The following AATK variants were observed in gnomAD, a reference collection of about 807,000 sequenced individuals.
The protein encoded by AATK is lemur tail kinase 1, also known as serine/threonine-protein kinase LMTK1.
In AATK, 91 loss-of-function variants were observed where a neutral mutation model predicts 114.3. The observed-to-expected ratio is 0.80, with a 90% CI of 0.67 to 0.95. The LOEUF is 0.95. AATK is among the 40% of genes least tolerant of loss of function. The probability of loss-of-function intolerance (pLI) is 0.00; values close to 1 mark genes in which losing one functional copy is unlikely to be tolerated. For missense variants in AATK, 2,176 were observed against 1,965.2 expected (o/e 1.11, Z -2.03); for synonymous variants, 1,075 against 916.5 (o/e 1.17, Z -3.12).
At chr17:81,128,662 G>C in intron 3 of AATK, 113 bp from the exon 4 acceptor site, 1 of 1,512,688 alleles carries the variant, frequency 6.6e-7, no homozygotes, top group Non-Finnish European at 8.9e-7. Flanking sequence ...ACTGTCCTGA[G>C]TCCCTAGCAC....
chr17:81,125,083 G>T, intron 7 of AATK, 69 bp from the exon 8 acceptor site: 1 of 1,037,250 alleles, frequency 9.6e-7, no homozygotes, highest in Non-Finnish European at 1.4e-6. Flanking sequence ...GGGGGCAGGG[G>T]GAGGGTCAGT....
intron 1 of AATK, among the ~76,000 whole-genome samples, chr17:81,136,437 A>G (rs1335129140): frequency 1.3e-5 from 2 of 151,608 alleles, no homozygotes; most frequent in Non-Finnish European, 2.9e-5. Context: ...CTCCCCTCCC[A>G]TGGCCCCATC....
intron 1 of AATK, among the ~76,000 whole-genome samples, chr17:81,137,929 C>A (rs949228736): frequency 4.0e-5 from 6 of 151,374 alleles, no homozygotes; most frequent in African/African-American, 1.2e-4. Flanking sequence ...TGCACACAGC[C>A]ACACGCACAC....
At chr17:81,152,576 C>A (rs1447088480) in intron 1 of AATK, among the ~76,000 whole-genome samples, 2 of 152,118 alleles carry the variant, frequency 1.3e-5, no homozygotes, top group African/African-American at 2.4e-5. Flanking sequence ...AGAGCAAAAC[C>A]CTGTCTCAAG....
intron 1 of AATK, among the ~76,000 whole-genome samples, chr17:81,154,525 GC>G (rs2061337967): frequency 6.9e-6 from 1 of 144,956 alleles, no homozygotes; most frequent in African/African-American, 2.8e-5. Context: ...CACCATATTG[GC>G]CAGGGTGGTC....
intron 3 of AATK, 76 bp from the exon 4 acceptor site, chr17:81,128,625 G>A (rs1487324142): frequency 6.5e-7 from 1 of 1,539,576 alleles, no homozygotes; most frequent in Non-Finnish European, 8.8e-7. Context: ...CCCCTGGAGG[G>A]GCTGCCCGCT....
At chr17:81,141,854 G>A (rs775028192) in intron 1 of AATK, among the ~76,000 whole-genome samples, 1 of 152,190 alleles carries the variant, frequency 6.6e-6, no homozygotes, top group Non-Finnish European at 1.5e-5. Context: ...AACCCTAGAG[G>A]CCTCTAGTGC....
chr17:81,121,288 C>A lies in AATK; in HGVS notation c.2648G>T (p.Arg883Met), dbSNP rs776700356. The part of the protein sequence containing the change: ...DTSSDGLQAR[R>M]PDVVPAFRSL... ...GCGGAAGGCTGGCACCACATCCGGCCTCCTGGCCTGCAGGCCGTCGCTGGA... is the reference window on the plus strand; with the variant it reads ...GCGGAAGGCTGGCACCACATCCGGCATCCTGGCCTGCAGGCCGTCGCTGGA... The change falls in exon 11 of 14, where the codon AGG (arginine) becomes ATG (methionine). Residue 883 changes from arginine (R) to methionine (M), a missense_variant. By Grantham distance (91) the Arg-to-Met change is moderately conservative. This residue lies in a region of AATK where 1,701 missense variants were observed against 1,394.7 expected (regional missense o/e 1.22). Coordinates refer to ENST00000326724, the MANE Select transcript of AATK (RefSeq NM_001080395.3). The A allele has an allele frequency of 4.3e-6, 7 of 1,611,466 alleles. No individual in the cohort carries two copies. In the African/African-American group the frequency reaches 9.4e-5, roughly 22 times the overall value.
Position 81,127,571 on chromosome 17 carries a change from G to C in AATK, c.621+12C>G, listed in dbSNP as rs2060862131. On this transcript the variant is annotated intron_variant, in intron 6 of 13. Coordinates refer to ENST00000326724, the MANE Select transcript of AATK (RefSeq NM_001080395.3). ...AGCAAAGACCCCAGCATCCCCCCGG[G>C]CAGCAGCTCACCAGTGGGCAGAACT... 1.2e-5 allele frequency: 19 copies of C among 1,587,630 alleles called. No homozygotes were observed. Among genetic ancestry groups the C allele is most frequent in the Middle Eastern group, 1.7e-4 (1 of 6,038 alleles).
chr17:81,120,731 G>A lies in AATK; in HGVS notation c.3205C>T (p.Pro1069Ser). The part of the protein sequence containing the change: ...LLQLEGSSPE[P>S]STCPSGLVPE... The stretch of plus-strand genomic sequence containing the variant: ...ACCAGGCCCGAGGGGCAGGTGCTGG[G>A]CTCTGGGGAGGACCCTTCAAGCTGC... The change falls in exon 11 of 14, where the codon CCC becomes TCC. Residue 1069 changes from proline (P) to serine (S), a missense_variant. This residue lies in a region of AATK where 1,701 missense variants were observed against 1,394.7 expected (regional missense o/e 1.22). Transcript: ENST00000326724. 6.4e-7 allele frequency: 1 copy of A among 1,570,866 alleles called. No individual in the cohort carries two copies. Among genetic ancestry groups the A allele is most frequent in the South Asian group, 1.2e-5 (1 of 85,330 alleles).
At chr17:81,135,368 T>C (rs2060994653) in intron 1 of AATK, among the ~76,000 whole-genome samples, 1 of 152,146 alleles carries the variant, frequency 6.6e-6, no homozygotes, top group Admixed American at 6.5e-5. Flanking sequence ...CCGCTGGCTC[T>C]ATCCCCTGGG....
At chr17:81,145,234 C>CAAA (rs761538299) in intron 1 of AATK, among the ~76,000 whole-genome samples, 6,626 of 120,584 alleles carry the variant, frequency 0.055, 187 homozygotes, top group East Asian at 0.19. Flanking sequence ...GAGACTCCAT[C>CAAA]AAAAAAAAAA....
chr17:81,155,278 C>T (rs1211976632), intron 1 of AATK, among the ~76,000 whole-genome samples: 4 of 152,220 alleles, frequency 2.6e-5, no homozygotes, highest in South Asian at 2.1e-4. Context: ...CTTAAGTCAT[C>T]GTCACAGTAT....
intron 2 of AATK, among the ~76,000 whole-genome samples, chr17:81,132,317 G>A (rs1444760082): frequency 6.6e-6 from 1 of 152,232 alleles, no homozygotes; most frequent in Non-Finnish European, 1.5e-5. Flanking sequence ...ACAGGCAGGT[G>A]CAGTGGGAGG....
At chr17:81,152,892 G>A (rs2061315573) in intron 1 of AATK, among the ~76,000 whole-genome samples, 1 of 151,188 alleles carries the variant, frequency 6.6e-6, no homozygotes, top group African/African-American at 2.4e-5. Context: ...ACCCAGGATG[G>A]AATGCAATGG....
chr17:81,141,472 C>G (rs192140371), intron 1 of AATK, among the ~76,000 whole-genome samples: 8 of 152,286 alleles, frequency 5.3e-5, no homozygotes, highest in African/African-American at 1.9e-4. Context: ...AAGTAAGTGA[C>G]TTTCAATTTC....
At position 81,126,576 on chromosome 17, in the gene AATK, G is replaced by A; in HGVS notation, c.622-16C>T. ...TGAGGTCCCCCTGCAGAAAGGGGGT[G>A]TGGCGCAGTCACCAGCAGGCTGGGG... On this transcript the variant is annotated splice_polypyrimidine_tract_variant and intron_variant, in intron 6 of 13. Transcript: ENST00000326724. This position sits in a 1 kb window ranked among gnomAD's most constrained non-coding sequence, Gnocchi z 5.1. The A allele has an allele frequency of 1.3e-6, 2 of 1,531,828 alleles. No individual in the cohort carries two copies. The highest frequency in any genetic ancestry group is 1.8e-6 in the Non-Finnish European group (2 of 1,132,368). The allele number at this position is 1,531,828 out of a possible 1,614,324, so 94.9% of individuals were successfully genotyped here.
In AATK at chr17:81,153,875, A is replaced by G. The variant is rs965310550; in HGVS notation, c.55+12063T>C. Among the ~76,000 whole-genome samples, 12 of 152,264 alleles carry G rather than the reference A, an allele frequency of 7.9e-5. No individual in the cohort carries two copies. In the East Asian group the frequency reaches 2.3e-3, roughly 29 times the overall value. The stretch of plus-strand genomic sequence containing the variant: ...CACCTGAGGTCAGGAGTTCGAGACC[A>G]TCCTGGCCAACATGGTGAAACCCCG... On this transcript the variant is annotated intron_variant, in intron 1 of 13. Transcript: ENST00000326724.
intron 1 of AATK, among the ~76,000 whole-genome samples, chr17:81,164,826 C>T (rs1340749847): frequency 6.6e-6 from 1 of 152,162 alleles, no homozygotes; most frequent in African/African-American, 2.4e-5. Context: ...CCCCAGGGGT[C>T]ACTACAGGAA....
Sources: gnomAD v4.1 joint callset for allele counts (sites outside exome capture counted in the v4.1 genomes callset) on GRCh38, gnomAD v4.1.1 for gene constraint, gnomAD v4.1.1 regional missense constraint, Gnocchi (gnomAD v3.1) non-coding constraint, MANE v1.5 for transcripts, NCBI Gene and HGNC (gene_info 2026-07-23, HGNC 2026-07-21) for gene names.